Variants in MICA observed in about 807,000 individuals in gnomAD.
MICA encodes HLA class I antigen.
In MICA, 18 loss-of-function variants were observed where a neutral mutation model predicts 34.3. That is an observed-to-expected ratio of 0.52 (90% CI 0.36 to 0.78). The LOEUF is 0.78. Among genes scored for constraint, MICA ranks in the 30% least tolerant of loss-of-function variants. The pLI is 0.00. For synonymous variants in MICA, 135 were observed against 156.9 expected (o/e 0.86, Z 1.04); for missense variants, 333 against 409.4 (o/e 0.81, Z 1.61).
upstream of MICA, among the ~76,000 whole-genome samples, chr6:31,401,069 C>T (rs1403042133): frequency 6.6e-6 from 1 of 151,618 alleles, no homozygotes; most frequent in Non-Finnish European, 1.5e-5. Context: ...TTTTTGGGGG[C>T]GAGCTGAATC....
intron 5 of MICA, among the ~76,000 whole-genome samples, chr6:31,413,290 C>A (rs745740035): frequency 8.6e-5 from 13 of 151,892 alleles, no homozygotes; most frequent in Non-Finnish European, 1.8e-4. Flanking sequence ...TTTCATCCTA[C>A]CTCCGAGTGT....
chr6:31,409,706 C>T (rs752509836), intron 1 of MICA, among the ~76,000 whole-genome samples: 11 of 151,840 alleles, frequency 7.2e-5, no homozygotes, highest in African/African-American at 9.7e-5. Context: ...TGAACATTAT[C>T]CCCAATGTTT....
In MICA at chr6:31,408,271, A is replaced by T. The variant is rs554471789; in HGVS notation, c.71-2272A>T. Among the ~76,000 whole-genome samples the T allele has an allele frequency of 2.7e-4, 41 of 151,996 alleles. 2 individuals carry two copies. Among genetic ancestry groups the T allele is most frequent in the African/African-American group, 9.9e-4 (41 of 41,384 alleles). ...CTAGTATTTCCTTGACGATTTTTGC[A>T]TCGGTGTTCATCAGGGATATAGGCC... On this transcript the variant is annotated intron_variant, in intron 1 of 5. Coordinates refer to ENST00000449934, the MANE Select transcript of MICA (RefSeq NM_001177519.3).
intron 5 of MICA, 82 bp from the exon 6 acceptor site, chr6:31,414,930 A>G: frequency 8.7e-7 from 1 of 1,152,408 alleles, no homozygotes. Context: ...GTTTTGGAGC[A>G]ACTGAAGAGA....
intron 1 of MICA, among the ~76,000 whole-genome samples, chr6:31,409,307 C>CTGTGTGTGTGTGTGTGTGTGTGTG (rs1491397090): frequency 2.8e-4 from 31 of 110,092 alleles, no homozygotes; most frequent in Middle Eastern, 5.8e-3. Context: ...GCCAACCTTG[C>CTGTGTGTGTGTGTGTGTGTGTGTG]TCTGTGTGTG....
intron 4 of MICA, 26 bp from the exon 5 acceptor site, chr6:31,412,299 G>C (rs778703726): frequency 3.8e-6 from 6 of 1,599,018 alleles, no homozygotes; most frequent in Non-Finnish European, 5.1e-6. Context: ...TCTCTGCCCA[G>C]TGTATAACAA....
Position 31,414,993 on chromosome 6 carries a change from A to C in MICA, c.*30-19A>C, listed in dbSNP as rs9266824. The C allele has an allele frequency of 5.4e-6, 8 of 1,472,004 alleles. No homozygotes were observed. Among genetic ancestry groups the C allele is most frequent in the Non-Finnish European group, 6.6e-6 (7 of 1,064,036 alleles). The allele number at this position is 1,472,004 out of a possible 1,614,324, so 91.2% of individuals were successfully genotyped here. On this transcript the variant is annotated intron_variant, in intron 5 of 5. Coordinates refer to ENST00000449934, the MANE Select transcript of MICA (RefSeq NM_001177519.3). ...ACTGCACCCAGTGGAGCATTTACCC[A>C]TTTCCCTCTTTTCTCCAGAGCTCGT...
At chr6:31,401,529 C>T (rs947417762), upstream of MICA, among the ~76,000 whole-genome samples, 5 of 151,460 alleles carry the variant, frequency 3.3e-5, no homozygotes, top group Non-Finnish European at 7.4e-5. Flanking sequence ...GGTGTGGTGG[C>T]ACTCGCCTGT....
At chr6:31,403,303 G>A (rs570263532), upstream of MICA, among the ~76,000 whole-genome samples, 55 of 151,924 alleles carry the variant, frequency 3.6e-4, no homozygotes, top group Middle Eastern at 3.4e-3. The surrounding 1 kb of genome is among the most constrained non-coding windows in gnomAD (Gnocchi z 4.7). Context: ...TCGCGATGCC[G>A]GGAGGGCAGG....
At position 31,415,158 on chromosome 6, in the gene MICA, T is replaced by G. The variant is rs1301096219; in HGVS notation, c.*176T>G. On this transcript the variant is annotated 3_prime_UTR_variant, in exon 6 of 6. Coordinates refer to ENST00000449934, the MANE Select transcript of MICA (RefSeq NM_001177519.3). Reference sequence around the variant, plus strand: ...CACCTAGACTCTACAGCCAGGCGGCTGGAATTGAATTCCCTGCCTGGATCT... The same window carrying G: ...CACCTAGACTCTACAGCCAGGCGGCGGGAATTGAATTCCCTGCCTGGATCT... 2 of 904,700 alleles carry G rather than the reference T, an allele frequency of 2.2e-6. No individual in the cohort carries two copies. Among genetic ancestry groups the G allele is most frequent in the South Asian group, 1.3e-5 (1 of 75,526 alleles). The allele number at this position is 904,700 out of a possible 1,614,324, so 56.0% of individuals were successfully genotyped here.
In MICA at chr6:31,412,387, T is replaced by C. The variant is rs1386560148; in HGVS notation, c.955T>C (p.Cys319Arg). The C allele has an allele frequency of 4.4e-6, 7 of 1,574,210 alleles. No homozygotes were observed. The African/African-American group carries it at 9.5e-5, about 21-fold the overall frequency. ...CCATGTTTCTGCTGTTGCTGCTGGC[T>C]GCTGCTATTTTTGTTATTATTATTT... Reference protein sequence around the residue: ...TFHVSAVAAGCCYFCYYYFLC... With the variant: ...TFHVSAVAAGRCYFCYYYFLC... The change falls in exon 5 of 6, where the codon TGC becomes CGC. Residue 319 changes from cysteine to arginine, a missense_variant. Cys to Arg is a radical substitution (Grantham distance 180, BLOSUM62 -3). Transcript: ENST00000449934.
intron 2 of MICA, 21 bp downstream of exon 2, chr6:31,410,818 G>C (rs1234621219): frequency 1.3e-6 from 2 of 1,547,770 alleles, no homozygotes; most frequent in Admixed American, 4.0e-5. Context: ...GCAGGGGCAA[G>C]AGTGACTGGA....
Position 31,415,017 on chromosome 6 carries a change from G to A in MICA, c.*35G>A, listed in dbSNP as rs747035374. On this transcript the variant is annotated 3_prime_UTR_variant, in exon 6 of 6. Coordinates refer to ENST00000449934, the MANE Select transcript of MICA (RefSeq NM_001177519.3). ...CATTTCCCTCTTTTCTCCAGAGCTC[G>A]TGAGCCTGCAGGTCCTGGATCAACA... 4.0e-6 allele frequency: 6 copies of A among 1,483,944 alleles called. 1 individual carries two copies. Among genetic ancestry groups the A allele is most frequent in the South Asian group, 2.3e-5 (2 of 88,688 alleles). The allele number at this position is 1,483,944 out of a possible 1,614,324, so 91.9% of individuals were successfully genotyped here. A position where few individuals can be genotyped will look rare whatever the true frequency, so the allele number is the denominator to read the frequency against.
intron 1 of MICA, among the ~76,000 whole-genome samples, chr6:31,406,863 G>A (rs990304643): frequency 3.3e-5 from 5 of 151,880 alleles, no homozygotes; most frequent in African/African-American, 1.2e-4. Context: ...GTTTACTGTA[G>A]ATGTATGGAA....
chr6:31,411,478 C>A lies in MICA; in HGVS notation c.613+119C>A. ...TGGATGAAGGCATTTCCTGTTGGCA[C>A]ATCGTGTCCTGATTTTCCTCTATTG... On this transcript the variant is annotated intron_variant, in intron 3 of 5. Coordinates refer to ENST00000449934, the MANE Select transcript of MICA (RefSeq NM_001177519.3). This position sits in a 1 kb window ranked among gnomAD's most constrained non-coding sequence, Gnocchi z 4.3. The A allele has an allele frequency of 9.7e-7, 1 of 1,033,132 alleles. No homozygotes were observed. The highest frequency in any genetic ancestry group is 1.4e-6 in the Non-Finnish European group (1 of 729,344). 64.0% of individuals were successfully genotyped at this position (1,033,132 alleles called of 1,614,324 possible).
chr6:31,402,511 T>TG (rs1770486320), upstream of MICA, among the ~76,000 whole-genome samples: 1 of 151,962 alleles, frequency 6.6e-6, no homozygotes, highest in Admixed American at 6.6e-5. Flanking sequence ...TGGGGCGCTG[T>TG]GGGTGGCTTG....
rs774057170 is a variant in MICA, at chr6:31,412,122, C to G, written c.789C>G (p.Thr263=). The change falls in exon 4 of 6, where the codon ACC becomes ACG. Residue 263 remains threonine (T), a synonymous_variant. Transcript: ENST00000449934. The stretch of plus-strand genomic sequence containing the variant: ...ATGTCCTGCCTGATGGGAATGGAAC[C>G]TACCAGACCTGGGTGGCCACCAGGA... ...WGDVLPDGNG[T]YQTWVATRIC... 1.2e-6 allele frequency: 2 copies of G among 1,613,046 alleles called. No individual in the cohort carries two copies. The highest frequency in any genetic ancestry group is 1.7e-6 in the Non-Finnish European group (2 of 1,179,930).
Position 31,415,120 on chromosome 6 carries a change from G to A in MICA, c.*138G>A, listed in dbSNP as rs1279496925. On this transcript the variant is annotated 3_prime_UTR_variant, in exon 6 of 6. Coordinates refer to ENST00000449934, the MANE Select transcript of MICA (RefSeq NM_001177519.3). ...CTGATGTCAGCTCTTGGGTCCACTG[G>A]CTCCACTGAGGGCACCTAGACTCTA... 3 of 1,145,582 alleles carry A rather than the reference G, an allele frequency of 2.6e-6. No individual in the cohort carries two copies. The highest frequency in any genetic ancestry group is 3.9e-6 in the Non-Finnish European group (3 of 768,950). The allele number at this position is 1,145,582 out of a possible 1,614,324, so 71.0% of individuals were successfully genotyped here. A position where few individuals can be genotyped will look rare whatever the true frequency, so the allele number is the denominator to read the frequency against.
intron 5 of MICA, among the ~76,000 whole-genome samples, chr6:31,413,336 G>T (rs1274231852): frequency 6.6e-6 from 1 of 151,740 alleles, no homozygotes; most frequent in Non-Finnish European, 1.5e-5. Flanking sequence ...CAGTCCTCAG[G>T]GCCCATGTTT....
Sources: gnomAD v4.1 joint callset for allele counts (sites outside exome capture counted in the v4.1 genomes callset) on GRCh38, gnomAD v4.1.1 for gene constraint, Gnocchi (gnomAD v3.1) non-coding constraint, MANE v1.5 for transcripts, NCBI Gene and HGNC (gene_info 2026-07-23, HGNC 2026-07-21) for gene names.